ADCK1: variants seen among roughly 807,000 people sequenced by gnomAD.
ADCK1 encodes the protein aarF domain containing kinase 1.
ADCK1 carries 41 observed loss-of-function variants against 52.3 expected under a neutral mutation model. The ratio of observed to expected loss-of-function variants is 0.78; its 90% CI spans 0.61 to 1.02. ADCK1 has a LOEUF of 1.02. ADCK1 is among the 50% of genes least tolerant of loss of function. ADCK1 has a pLI of 0.00. For synonymous variants in ADCK1, 250 were observed against 274.6 expected (o/e 0.91, Z 0.89); for missense variants, 658 against 679.5 (o/e 0.97, Z 0.35).
intron 3 of ADCK1, among the ~76,000 whole-genome samples, chr14:77,854,123 C>G (rs2082367827): frequency 6.6e-6 from 1 of 152,188 alleles, no homozygotes; most frequent in Admixed American, 6.5e-5. Context: ...GAAGAAATGT[C>G]AAGGTTGACA....
intron 3 of ADCK1, 74 bp from the exon 4 acceptor site, chr14:77,859,002 G>C (rs1264421862): frequency 7.1e-7 from 1 of 1,400,792 alleles, no homozygotes; most frequent in Admixed American, 2.1e-5. Flanking sequence ...AAGCAGAGCA[G>C]GAAGGTGAAG....
intron 3 of ADCK1, among the ~76,000 whole-genome samples, chr14:77,834,814 C>G (rs1158380414): frequency 6.6e-6 from 1 of 152,216 alleles, no homozygotes; most frequent in African/African-American, 2.4e-5. Flanking sequence ...GGAGCAGGCA[C>G]AACACCCAGC....
chr14:77,907,322 G>A (rs897314494), intron 6 of ADCK1, among the ~76,000 whole-genome samples: 2 of 152,196 alleles, frequency 1.3e-5, no homozygotes, highest in African/African-American at 2.4e-5. Flanking sequence ...ACAGGAAACA[G>A]GCATGAGAAA....
intron 5 of ADCK1, among the ~76,000 whole-genome samples, chr14:77,896,267 G>A (rs1019375388): frequency 6.6e-6 from 1 of 152,132 alleles, no homozygotes; most frequent in Non-Finnish European, 1.5e-5. Context: ...TACAATAAAT[G>A]ATGAGGAATT....
chr14:77,925,014 A>C (rs1036970256), intron 8 of ADCK1, among the ~76,000 whole-genome samples: 1 of 152,172 alleles, frequency 6.6e-6, no homozygotes, highest in African/African-American at 2.4e-5. Context: ...GCAGGCAGCC[A>C]GTGGGGGCTG....
intron 7 of ADCK1, among the ~76,000 whole-genome samples, chr14:77,921,344 A>G (rs1343386548): frequency 6.7e-6 from 1 of 149,258 alleles, no homozygotes; most frequent in Non-Finnish European, 1.5e-5. Flanking sequence ...AAAAAAAAAA[A>G]AAAAGAAAAA....
At chr14:77,862,408 A>G (rs1385861547) in intron 4 of ADCK1, among the ~76,000 whole-genome samples, 1 of 152,152 alleles carries the variant, frequency 6.6e-6, no homozygotes, top group Non-Finnish European at 1.5e-5. Context: ...CTTGCAAGTC[A>G]GGGATGGTTG....
chr14:77,846,002 G>A lies in ADCK1; in HGVS notation c.220-13074G>A, dbSNP rs151160660. ...TGGCTCTGGGGCAGCTTTTGCTATC[G>A]TACTTCACACTCCAGAAGTTCATTT... is the stretch of plus-strand genomic sequence containing the variant. On this transcript the variant is annotated intron_variant, in intron 3 of 10. Coordinates refer to ENST00000238561, the MANE Select transcript of ADCK1 (RefSeq NM_020421.4). Among the ~76,000 whole-genome samples, 60 of 152,270 alleles carry A rather than the reference G, an allele frequency of 3.9e-4. No individual in the cohort carries two copies. In the East Asian group the frequency reaches 0.011, roughly 28 times the overall value.
rs181327099 is a variant in ADCK1 at position 77,894,012 on chromosome 14, C to T, written c.583-5088C>T. On this transcript the variant is annotated intron_variant, in intron 5 of 10. Transcript: ENST00000238561. ...CCTCCCAAAGTGCTGGGATTACAGG[C>T]GTGAGCCACCGCGTCCAGCCTCATC... Among the ~76,000 whole-genome samples, 766 of 152,260 alleles carry T rather than the reference C, an allele frequency of 5.0e-3. 3 individuals carry two copies. The highest frequency in any genetic ancestry group is 0.017 in the African/African-American group (707 of 41,542).
intron 3 of ADCK1, among the ~76,000 whole-genome samples, chr14:77,852,357 C>T (rs2082301071): frequency 1.3e-5 from 2 of 151,992 alleles, no homozygotes; most frequent in Non-Finnish European, 2.9e-5. Context: ...CCTACATCTG[C>T]AAGAACTTTT....
chr14:77,801,699 G>T (rs2081113903), intron 1 of ADCK1, among the ~76,000 whole-genome samples: 1 of 152,180 alleles, frequency 6.6e-6, no homozygotes, highest in African/African-American at 2.4e-5. Flanking sequence ...CAGCACTTTG[G>T]GAGGCTGAGG....
At chr14:77,812,981 AG>A (rs2081365977) in intron 1 of ADCK1, among the ~76,000 whole-genome samples, 1 of 152,050 alleles carries the variant, frequency 6.6e-6, no homozygotes, top group Admixed American at 6.6e-5. Context: ...ATTTCTGTTT[AG>A]GGAAAGAAAT....
intron 1 of ADCK1, among the ~76,000 whole-genome samples, chr14:77,814,129 G>A (rs868260617): frequency 1.3e-5 from 2 of 148,844 alleles, no homozygotes; most frequent in African/African-American, 5.0e-5. Flanking sequence ...TTGAGGCTGG[G>A]GTGCAGTGGC....
chr14:77,875,697 G>A (rs781102634), intron 4 of ADCK1, among the ~76,000 whole-genome samples: 25 of 152,170 alleles, frequency 1.6e-4, no homozygotes, highest in Non-Finnish European at 3.1e-4. Flanking sequence ...CTGCACGTGA[G>A]CGGCAGAGGA....
chr14:77,820,279 C>T (rs1388585025), intron 2 of ADCK1, among the ~76,000 whole-genome samples: 2 of 151,264 alleles, frequency 1.3e-5, no homozygotes, highest in Non-Finnish European at 2.9e-5. Context: ...GATTGGTATC[C>T]TAGGGGTAGC....
At chr14:77,915,230 C>T (rs967377431) in intron 7 of ADCK1, among the ~76,000 whole-genome samples, 4 of 151,254 alleles carry the variant, frequency 2.6e-5, no homozygotes, top group Non-Finnish European at 4.4e-5. Context: ...ATGTGCACAA[C>T]GTGCAGGTTA....
intron 3 of ADCK1, among the ~76,000 whole-genome samples, chr14:77,852,690 TATATATATATATA>T (rs2082323795): frequency 1.7e-5 from 2 of 120,634 alleles, no homozygotes; most frequent in African/African-American, 6.9e-5. Flanking sequence ...TATATATATA[TATATATATATATA>T]TTTCACTCCT....
At chr14:77,904,426 G>T (rs1006358716) in intron 6 of ADCK1, among the ~76,000 whole-genome samples, 4 of 152,238 alleles carry the variant, frequency 2.6e-5, no homozygotes, top group African/African-American at 9.6e-5. Context: ...CTCCAAATCT[G>T]CCGGTCTGAC....
intron 7 of ADCK1, among the ~76,000 whole-genome samples, chr14:77,919,785 G>C (rs2084007520): frequency 6.6e-6 from 1 of 152,184 alleles, no homozygotes; most frequent in African/African-American, 2.4e-5. Context: ...TCTTTCAGGA[G>C]TAAGGTGGTA....
Sources: allele counts gnomAD v4.1 joint callset (sites outside exome capture counted in the v4.1 genomes callset), GRCh38; gene constraint gnomAD v4.1.1; transcripts MANE v1.5; gene names NCBI Gene and HGNC (gene_info 2026-07-23, HGNC 2026-07-21).